TANC2: variants seen among roughly 807,000 people sequenced by gnomAD.
TANC2 encodes tetratricopeptide repeat, ankyrin repeat and coiled-coil containing 2, also known as protein TANC2.
Under a neutral mutation model 210.5 loss-of-function variants are expected in TANC2, and 26 were observed. The observed-to-expected ratio is 0.12, with a 90% CI of 0.09 to 0.17. TANC2 has a LOEUF of 0.17. TANC2 is among the 10% of genes least tolerant of loss of function. The pLI is 1.00. For synonymous variants in TANC2, 931 were observed against 967.1 expected (o/e 0.96, Z 0.69); for missense variants, 2,129 against 2,608.9 (o/e 0.82, Z 4.01).
At chr17:62,973,989 A>T (rs1227462847) in intron 1 of TANC2, among the ~76,000 whole-genome samples, 1 of 152,244 alleles carries the variant, frequency 6.6e-6, no homozygotes, top group African/African-American at 2.4e-5. Flanking sequence ...GTTGCTGTCG[A>T]GACCATACGG....
Position 63,421,570 on chromosome 17 carries a change from A to G in TANC2, c.5840A>G (p.Gln1947Arg), listed in dbSNP as rs2049024982. 4 of 1,614,034 alleles carry G rather than the reference A, an allele frequency of 2.5e-6. No homozygotes were observed. Among genetic ancestry groups the G allele is most frequent in the African/African-American group, 1.3e-5 (1 of 75,062 alleles). ...ACTCAGCAGTACCCCCACCTCCACC[A>G]GCAGAATCGGACCTGGGCAGTGTCA... The change falls in exon 28 of 28, where the codon CAG (glutamine) becomes CGG (arginine). Residue 1947 changes from glutamine to arginine, a missense_variant. Physicochemically the swap from Gln to Arg is conservative, Grantham distance 43 (BLOSUM62 1). Around this residue, in one of 5 missense-constraint regions of TANC2, gnomAD observed 161 missense variants for 178.6 expected, o/e 0.90. Transcript: ENST00000689528. This position sits in a 1 kb window ranked among gnomAD's most constrained non-coding sequence, Gnocchi z 6.9.
At chr17:63,090,436 C>A (rs375713899) in intron 3 of TANC2, among the ~76,000 whole-genome samples, 10 of 151,992 alleles carry the variant, frequency 6.6e-5, no homozygotes, top group African/African-American at 2.4e-4. Context: ...TTGTTCAGTT[C>A]CCACCTATGA....
At chr17:62,993,350 A>G (rs1380886001) in intron 1 of TANC2, among the ~76,000 whole-genome samples, 1 of 152,160 alleles carries the variant, frequency 6.6e-6, no homozygotes. Flanking sequence ...CACTTTCTCA[A>G]TTTCTGAAAG....
At chr17:62,969,891 G>T (rs887276087) in intron 1 of TANC2, among the ~76,000 whole-genome samples, 1 of 152,096 alleles carries the variant, frequency 6.6e-6, no homozygotes, top group Non-Finnish European at 1.5e-5. Context: ...AAATGGATTA[G>T]ATGCCTATGT....
At chr17:63,373,990 T>C (rs904370796) in intron 14 of TANC2, among the ~76,000 whole-genome samples, 2 of 105,294 alleles carry the variant, frequency 1.9e-5, no homozygotes, top group African/African-American at 5.5e-5. Context: ...CAAAAAATAA[T>C]TATTATTATT....
At chr17:62,968,035 A>G (rs750953478) in intron 1 of TANC2, among the ~76,000 whole-genome samples, 1 of 152,188 alleles carries the variant, frequency 6.6e-6, no homozygotes, top group Non-Finnish European at 1.5e-5. Flanking sequence ...ATATATGTGC[A>G]TGTATATTAT....
At chr17:63,043,535 A>G (rs141649940) in intron 2 of TANC2, among the ~76,000 whole-genome samples, 1 of 152,134 alleles carries the variant, frequency 6.6e-6, no homozygotes, top group Non-Finnish European at 1.5e-5. Context: ...GACCAAAGTC[A>G]TATAGTAAAT....
intron 18 of TANC2, among the ~76,000 whole-genome samples, chr17:63,397,822 A>G (rs2048217519): frequency 1.3e-5 from 2 of 152,220 alleles, no homozygotes; most frequent in East Asian, 3.9e-4. Flanking sequence ...TTTGTTTTTA[A>G]TGTTAATTTA....
intron 4 of TANC2, among the ~76,000 whole-genome samples, chr17:63,127,818 A>G (rs1407942511): frequency 2.0e-5 from 3 of 152,198 alleles, no homozygotes; most frequent in Non-Finnish European, 2.9e-5. Context: ...ACTGTGAGCT[A>G]ACTCTACCAG....
chr17:63,246,593 C>T (rs1395045004), intron 8 of TANC2, among the ~76,000 whole-genome samples: 1 of 152,134 alleles, frequency 6.6e-6, no homozygotes, highest in Non-Finnish European at 1.5e-5. Flanking sequence ...TATCTGGCTT[C>T]TTTCACTCAG....
chr17:63,141,331 CAGG>C (rs1359138186), intron 4 of TANC2, among the ~76,000 whole-genome samples: 1 of 122,634 alleles, frequency 8.2e-6, no homozygotes, highest in Non-Finnish European at 1.6e-5. Context: ...CACTTGAGGT[CAGG>C]AGTTCAAGAC....
rs1353131921 is a variant in TANC2 at position 62,966,460 on chromosome 17, C to T, written c.-313C>T. ...TTCCCATCCCCCTCGCGCTCACCTCCCGGCTGTGCCGCGCGCTAGGCGGAG... is the reference window on the plus strand; with the variant it reads ...TTCCCATCCCCCTCGCGCTCACCTCTCGGCTGTGCCGCGCGCTAGGCGGAG... On this transcript the variant is annotated 5_prime_UTR_variant, in exon 1 of 28. Coordinates refer to ENST00000689528, the Ensembl canonical transcript of TANC2. This position sits in a 1 kb window ranked among gnomAD's most constrained non-coding sequence, Gnocchi z 5.1. 1.3e-5 allele frequency among the ~76,000 whole-genome samples: 2 copies of T among 148,398 alleles called. No homozygotes were observed. Among genetic ancestry groups the T allele is most frequent in the Non-Finnish European group, 3.0e-5 (2 of 66,478 alleles).
intron 6 of TANC2, among the ~76,000 whole-genome samples, chr17:63,196,842 A>G (rs537320070): frequency 2.2e-4 from 34 of 152,284 alleles, no homozygotes; most frequent in African/African-American, 7.5e-4. Context: ...CTTCTTCACA[A>G]CCCAGTGTAG....
At chr17:62,993,735 T>C (rs1313286196) in intron 1 of TANC2, among the ~76,000 whole-genome samples, 1 of 152,062 alleles carries the variant, frequency 6.6e-6, no homozygotes, top group Non-Finnish European at 1.5e-5. Context: ...GAAACCAGCC[T>C]GGTCAACATA....
At chr17:62,995,344 A>G (rs1440658673) in intron 1 of TANC2, among the ~76,000 whole-genome samples, 1 of 152,216 alleles carries the variant, frequency 6.6e-6, no homozygotes, top group Non-Finnish European at 1.5e-5. Flanking sequence ...AATCGGGTGG[A>G]TTGAGAACTC....
At chr17:63,366,156 C>T (rs548816767) in intron 14 of TANC2, among the ~76,000 whole-genome samples, 1 of 152,256 alleles carries the variant, frequency 6.6e-6, no homozygotes, top group East Asian at 1.9e-4. Flanking sequence ...CTTCCCACAA[C>T]TCAACAGATA....
At position 63,014,151 on chromosome 17, in the gene TANC2, A is replaced by G. The variant is rs116254918; in HGVS notation, c.67+4525A>G. ...TCTGCTCAAATCTGCTATCATGTCT[A>G]CTGAATTTTTTTTCAATTATTGAAT... On this transcript the variant is annotated intron_variant, in intron 2 of 27. Coordinates refer to ENST00000689528, the Ensembl canonical transcript of TANC2. Among the ~76,000 whole-genome samples, 1,356 of 151,646 alleles carry G rather than the reference A, an allele frequency of 8.9e-3. 30 individuals carry two copies. Among genetic ancestry groups the G allele is most frequent in the African/African-American group, 0.032 (1,304 of 41,340 alleles).
intron 2 of TANC2, among the ~76,000 whole-genome samples, chr17:63,022,841 A>C (rs2034406143): frequency 1.3e-5 from 2 of 152,104 alleles, no homozygotes; most frequent in Non-Finnish European, 1.5e-5. Context: ...GTGCAGCTTG[A>C]CTCACCTCTC....
At chr17:63,365,699 T>C (rs2047089848) in intron 14 of TANC2, among the ~76,000 whole-genome samples, 1 of 152,138 alleles carries the variant, frequency 6.6e-6, no homozygotes, top group Non-Finnish European at 1.5e-5. Context: ...TTCCCACCTC[T>C]GGGCCTTTGC....
Sources: gnomAD v4.1 joint callset for allele counts (sites outside exome capture counted in the v4.1 genomes callset) on GRCh38, gnomAD v4.1.1 for gene constraint, gnomAD v4.1.1 regional missense constraint, Gnocchi (gnomAD v3.1) non-coding constraint, MANE v1.5 for transcripts, NCBI Gene and HGNC (gene_info 2026-07-23, HGNC 2026-07-21) for gene names.